RPN2: variants seen among roughly 807,000 people sequenced by gnomAD.
The protein encoded by RPN2 is ribophorin II.
In RPN2, 29 loss-of-function variants were observed where a neutral mutation model predicts 71.4. The observed-to-expected ratio is 0.41, with a 90% confidence interval of 0.30 to 0.55. RPN2 has a LOEUF of 0.55. Ranked by LOEUF, RPN2 falls within the 20% of genes least tolerant of loss-of-function variation. The pLI is 0.35. For synonymous variants in RPN2, 308 were observed against 305.0 expected, an observed-to-expected ratio of 1.01 and a Z score of -0.10; for missense variants, 726 against 774.1, an observed-to-expected ratio of 0.94 and a Z score of 0.74.
intron 12 of RPN2, 53 bp downstream of exon 12, chr20:37,228,797 CTGGTGGCTCTTTTTCAGGGGCA>C: frequency 6.4e-7 from 1 of 1,569,544 alleles, no homozygotes; most frequent in Non-Finnish European, 8.7e-7. Flanking sequence ...GCCCCAGGCA[CTGGTGGCTCTTTTTCAGGGGCA>C]TGGGGCTCTT....
At chr20:37,193,498 T>C (rs1051433750) in intron 2 of RPN2, among the ~76,000 whole-genome samples, 3 of 152,084 alleles carry the variant, frequency 2.0e-5, no homozygotes, top group Non-Finnish European at 4.4e-5. Context: ...TTGGCCCACA[T>C]AGGAAGAGTT....
At chr20:37,184,482 C>G (rs2066962411) in intron 2 of RPN2, 109 bp downstream of exon 2, 3 of 997,160 alleles carry the variant, frequency 3.0e-6, no homozygotes, top group South Asian at 1.4e-5. Context: ...TTGAGGATAA[C>G]CAAGGTTAAT....
At chr20:37,224,253 A>C (rs778610259) in intron 10 of RPN2, among the ~76,000 whole-genome samples, 1 of 152,252 alleles carries the variant, frequency 6.6e-6, no homozygotes, top group Non-Finnish European at 1.5e-5. Context: ...AGTCTGAGTC[A>C]GTCAGCTATG....
chr20:37,179,333 C>A lies in RPN2; in HGVS notation c.-24C>A. The A allele has an allele frequency of 6.8e-7, 1 of 1,480,288 alleles. No homozygotes were observed. 91.7% of individuals were successfully genotyped at this position (1,480,288 alleles called of 1,614,324 possible). A position where few individuals can be genotyped will look rare whatever the true frequency, so the allele number is the denominator to read the frequency against. On this transcript the variant is annotated 5_prime_UTR_variant, in exon 1 of 17. Coordinates refer to ENST00000237530, the MANE Select transcript of RPN2 (RefSeq NM_002951.5). ...AGCGGAAGTCAGCCCGCGGCTCGGA[C>A]TCCGGCGGGACCTGCTCGGAGGAAT...
chr20:37,224,365 TATC>T (rs2068028942), intron 10 of RPN2, among the ~76,000 whole-genome samples: 2 of 152,174 alleles, frequency 1.3e-5, no homozygotes, highest in Admixed American at 1.3e-4. Context: ...GCGATCTCCT[TATC>T]ATCACAGTCC....
In RPN2 at chr20:37,189,323, A is replaced by ATGTGTGTG. The variant is rs11474653; in HGVS notation, c.207+4981_207+4988dup. 2.8e-4 allele frequency among the ~76,000 whole-genome samples: 18 copies of ATGTGTGTG among 64,602 alleles called. No homozygotes were observed. The East Asian group carries it at 4.3e-3, about 16-fold the overall frequency. The allele number at this position is 64,602 out of a possible 152,430, so 42.4% of individuals were successfully genotyped here. On this transcript the variant is annotated intron_variant, in intron 2 of 16. Coordinates refer to ENST00000237530, the MANE Select transcript of RPN2 (RefSeq NM_002951.5). ...CCAATGGGCCAAACTGTGTGTGTGT[A>ATGTGTGTG]TGTGTGTGTGTGTGTGTGTGTGTGT...
intron 9 of RPN2, among the ~76,000 whole-genome samples, chr20:37,216,475 T>A (rs2067808088): frequency 6.6e-6 from 1 of 152,194 alleles, no homozygotes; most frequent in African/African-American, 2.4e-5. Flanking sequence ...TTTATTTTTG[T>A]TTTTGAGACA....
intron 1 of RPN2, among the ~76,000 whole-genome samples, chr20:37,182,684 T>A (rs1054610316): frequency 5.3e-5 from 8 of 152,190 alleles, no homozygotes; most frequent in African/African-American, 1.4e-4. Flanking sequence ...AGTGAGCCAG[T>A]GCCGCTGGCC....
chr20:37,223,965 A>T lies in RPN2; in HGVS notation c.1180A>T (p.Thr394Ser), dbSNP rs1568991820. 1.2e-6 allele frequency: 2 copies of T among 1,613,558 alleles called. No homozygotes were observed. Among genetic ancestry groups the T allele is most frequent in the Admixed American group, 1.7e-5 (1 of 59,982 alleles). ...GGATCAGAGCATTGCACCCAAAACT[A>T]CCCGGTAGGTGAGATGCCACCTGAT... is the stretch of plus-strand genomic sequence containing the variant. The part of the protein sequence containing the change: ...DKDQSIAPKT[T>S]RVTYPAKAKG... The change falls in exon 10 of 17, where the codon ACC becomes TCC. Residue 394 changes from threonine to serine, a missense_variant. Coordinates refer to ENST00000237530, the MANE Select transcript of RPN2 (RefSeq NM_002951.5).
At chr20:37,208,369 C>T (rs1000236045) in intron 7 of RPN2, among the ~76,000 whole-genome samples, 3 of 151,584 alleles carry the variant, frequency 2.0e-5, no homozygotes, top group Non-Finnish European at 4.4e-5. Flanking sequence ...ATCTAAAATG[C>T]ACTTCCCAAT....
At chr20:37,228,410 T>C (rs2068135975) in intron 11 of RPN2, 140 bp from the exon 12 acceptor site, 1 of 803,182 alleles carries the variant, frequency 1.2e-6, no homozygotes, top group Admixed American at 2.0e-5. Flanking sequence ...CCTTCTACTC[T>C]CTGGGGCAGG....
intron 6 of RPN2, 152 bp downstream of exon 6, chr20:37,205,053 A>G (rs903018485): frequency 2.3e-5 from 27 of 1,157,710 alleles, no homozygotes; most frequent in Non-Finnish European, 2.8e-5. Context: ...GAGAAATAGA[A>G]AGATGTAATG....
At chr20:37,182,843 C>A (rs2066917326) in intron 1 of RPN2, among the ~76,000 whole-genome samples, 1 of 152,184 alleles carries the variant, frequency 6.6e-6, no homozygotes, top group South Asian at 2.1e-4. Flanking sequence ...GCAGCCCATT[C>A]AAAAGTGTTT....
At chr20:37,181,226 T>TAA (rs1156816187) in intron 1 of RPN2, among the ~76,000 whole-genome samples, 112 of 137,084 alleles carry the variant, frequency 8.2e-4, no homozygotes, top group African/African-American at 2.7e-3. Context: ...AGACTCTGTC[T>TAA]AAAAAAAAAA....
intron 7 of RPN2, among the ~76,000 whole-genome samples, chr20:37,208,526 T>A (rs1234551494): frequency 6.6e-6 from 1 of 152,200 alleles, no homozygotes; most frequent in Admixed American, 6.5e-5. Flanking sequence ...TTTCTAAATA[T>A]GTTATTTTAC....
chr20:37,225,734 C>T lies in RPN2; in HGVS notation c.1231C>T (p.His411Tyr). 6.2e-7 allele frequency: 1 copy of T among 1,614,146 alleles called. No individual in the cohort carries two copies. The highest frequency in any genetic ancestry group is 8.5e-7 in the Non-Finnish European group (1 of 1,180,004). The stretch of plus-strand genomic sequence containing the variant: ...CAAGGGCACATTCATCGCAGACAGC[C>T]ACCAGAACTTCGCCTTGTTCTTCCA... ...KAKGTFIADS[H>Y]QNFALFFQLV... is the part of the protein sequence containing the mutation. The change falls in exon 11 of 17, where the codon CAC becomes TAC. Residue 411 changes from histidine to tyrosine, a missense_variant. Transcript: ENST00000237530.
intron 9 of RPN2, among the ~76,000 whole-genome samples, chr20:37,216,808 T>G (rs534518353): frequency 6.6e-6 from 1 of 152,324 alleles, no homozygotes; most frequent in South Asian, 2.1e-4. Flanking sequence ...CCCCTTATAT[T>G]TAAGGCTTCG....
At chr20:37,198,620 C>G in intron 3 of RPN2, 128 bp downstream of exon 3, 1 of 1,363,432 alleles carries the variant, frequency 7.3e-7, no homozygotes. Flanking sequence ...AATTCCATTC[C>G]TGTGATTTTT....
intron 5 of RPN2, 68 bp from the exon 6 acceptor site, chr20:37,204,699 A>G: frequency 6.4e-7 from 1 of 1,557,082 alleles, no homozygotes; most frequent in Non-Finnish European, 8.9e-7. Flanking sequence ...AGTGGGGTTG[A>G]CAGTGGTTCG....
Sources: allele counts gnomAD v4.1 joint callset (sites outside exome capture counted in the v4.1 genomes callset), GRCh38; gene constraint gnomAD v4.1.1; transcripts MANE v1.5; gene names NCBI Gene and HGNC (gene_info 2026-07-23, HGNC 2026-07-21).